PRKN: variants seen among roughly 807,000 people sequenced by gnomAD.
The protein encoded by PRKN is parkin RBR E3 ubiquitin protein ligase, also known as E3 ubiquitin-protein ligase parkin.
In PRKN, 56 loss-of-function variants were observed where a neutral mutation model predicts 59.5. That is an observed-to-expected ratio of 0.94 (90% confidence interval 0.76 to 1.18). The LOEUF (loss-of-function observed/expected upper bound fraction) is 1.18, where lower values mean the gene tolerates loss of function less well. PRKN is among the 50% of genes most tolerant of loss of function. PRKN has a pLI of 0.00. For synonymous variants in PRKN, 250 were observed against 222.1 expected (o/e 1.13, Z -1.12); for missense variants, 657 against 596.4 (o/e 1.10, Z -1.06).
rs192109321 is a variant in PRKN, at chr6:161,835,211, T to G, written c.735-49303A>C. Among the ~76,000 whole-genome samples the G allele has an allele frequency of 4.6e-5, 7 of 152,272 alleles. No homozygotes were observed. In the East Asian group the frequency reaches 1.4e-3, roughly 29 times the overall value. On this transcript the variant is annotated intron_variant, in intron 6 of 11. Transcript: ENST00000366898. ...TTTTTATTTAGTATTTTCAAATAAA[T>G]TAAAGACCTGGCTTATTTAACCCAC...
chr6:161,930,628 G>A (rs1779137683), intron 6 of PRKN, among the ~76,000 whole-genome samples: 1 of 152,162 alleles, frequency 6.6e-6, no homozygotes, highest in Non-Finnish European at 1.5e-5. Context: ...CAGAATAATG[G>A]CTCCCAATGA....
chr6:162,422,902 C>T (rs1487250519), intron 2 of PRKN, among the ~76,000 whole-genome samples: 9 of 145,604 alleles, frequency 6.2e-5, no homozygotes, highest in Non-Finnish European at 1.3e-4. Flanking sequence ...GCCGAGATCG[C>T]GCCACTGCGC....
chr6:162,179,968 C>CTCTGTG (rs564672735), intron 4 of PRKN, among the ~76,000 whole-genome samples: 1 of 139,724 alleles, frequency 7.2e-6, no homozygotes. Context: ...TATCTTATTA[C>CTCTGTG]TGTGTGTGTG....
chr6:162,177,122 A>T (rs1783576430), intron 4 of PRKN, among the ~76,000 whole-genome samples: 1 of 152,244 alleles, frequency 6.6e-6, no homozygotes. Context: ...ACACATGCAC[A>T]GGCACTCACA....
chr6:162,613,302 T>C (rs1218341691), intron 1 of PRKN, among the ~76,000 whole-genome samples: 1 of 152,146 alleles, frequency 6.6e-6, no homozygotes, highest in Non-Finnish European at 1.5e-5. Context: ...AGTAAACCTG[T>C]TTTTTAGGGA....
At chr6:161,570,328 G>C (rs1780841550) in intron 7 of PRKN, among the ~76,000 whole-genome samples, 1 of 143,364 alleles carries the variant, frequency 7.0e-6, no homozygotes, top group Non-Finnish European at 1.5e-5. Context: ...TATAAATATT[G>C]GCCTAAATAT....
In PRKN at chr6:161,407,383, A is replaced by G. The variant is rs1010720240; in HGVS notation, c.1084-20506T>C. On this transcript the variant is annotated intron_variant, in intron 9 of 11. Coordinates refer to ENST00000366898, the MANE Select transcript of PRKN (RefSeq NM_004562.3). This position sits in a 1 kb window ranked among gnomAD's most constrained non-coding sequence, Gnocchi z 4.9. ...GTGGGAGGCTCTGCACACTGGCACAATTGTTTGCTGGGAGGTAATTTAACA... is the reference window on the plus strand; with the variant it reads ...GTGGGAGGCTCTGCACACTGGCACAGTTGTTTGCTGGGAGGTAATTTAACA... Among the ~76,000 whole-genome samples the G allele has an allele frequency of 2.0e-5, 3 of 152,108 alleles. No homozygotes were observed. Among genetic ancestry groups the G allele is most frequent in the Admixed American group, 6.5e-5 (1 of 15,274 alleles).
At chr6:162,556,366 T>TGTGCGC (rs1554243443) in intron 1 of PRKN, among the ~76,000 whole-genome samples, 8 of 98,362 alleles carry the variant, frequency 8.1e-5, no homozygotes, top group Middle Eastern at 5.3e-3. Flanking sequence ...TGTGTGTGTG[T>TGTGCGC]GTGTGTGTGT....
At chr6:162,516,159 A>ATGAC in intron 1 of PRKN, among the ~76,000 whole-genome samples, 1 of 152,212 alleles carries the variant, frequency 6.6e-6, no homozygotes, top group Non-Finnish European at 1.5e-5. Context: ...TTCACAGCTG[A>ATGAC]TGACTGAATT....
At chr6:162,575,180 C>G (rs1039374861) in intron 1 of PRKN, among the ~76,000 whole-genome samples, 3 of 152,178 alleles carry the variant, frequency 2.0e-5, no homozygotes, top group African/African-American at 7.2e-5. Context: ...AGGCCATGCA[C>G]CTGGATCTGC....
intron 1 of PRKN, among the ~76,000 whole-genome samples, chr6:162,510,068 T>G (rs989659778): frequency 1.2e-4 from 19 of 152,210 alleles, no homozygotes; most frequent in African/African-American, 4.6e-4. Context: ...AAGGCTTTGC[T>G]TTCTTCAGTG....
intron 4 of PRKN, among the ~76,000 whole-genome samples, chr6:162,175,722 T>A (rs1425864195): frequency 1.3e-5 from 2 of 152,138 alleles, no homozygotes; most frequent in Non-Finnish European, 2.9e-5. Context: ...GGGCCACTGG[T>A]CCACGGGACA....
intron 4 of PRKN, among the ~76,000 whole-genome samples, chr6:162,194,624 A>G (rs1295600643): frequency 6.6e-6 from 1 of 152,124 alleles, no homozygotes; most frequent in South Asian, 2.1e-4. Flanking sequence ...CTAAATGTAA[A>G]CTATCAAGAA....
At chr6:162,658,433 G>A (rs771167198) in intron 1 of PRKN, among the ~76,000 whole-genome samples, 53 of 152,192 alleles carry the variant, frequency 3.5e-4, no homozygotes, top group Middle Eastern at 3.4e-3. Flanking sequence ...AGACCGACGC[G>A]GGCAGATCAC....
At chr6:162,456,465 T>C (rs1192176627) in intron 1 of PRKN, among the ~76,000 whole-genome samples, 3 of 152,186 alleles carry the variant, frequency 2.0e-5, no homozygotes, top group African/African-American at 4.8e-5. Flanking sequence ...CTAAGGCTTA[T>C]GGTACAAGAG....
At chr6:162,223,673 C>A (rs1014781522) in intron 3 of PRKN, among the ~76,000 whole-genome samples, 6 of 146,698 alleles carry the variant, frequency 4.1e-5, no homozygotes, top group Non-Finnish European at 7.4e-5. Flanking sequence ...ACATAATGCT[C>A]CAGAAACAGC....
chr6:162,412,330 A>G (rs1292897013), intron 2 of PRKN, among the ~76,000 whole-genome samples: 1 of 152,084 alleles, frequency 6.6e-6, no homozygotes, highest in Non-Finnish European at 1.5e-5. Context: ...GTCTGGACTG[A>G]GGATTCTAGG....
At chr6:162,242,771 C>A (rs1779033873) in intron 3 of PRKN, among the ~76,000 whole-genome samples, 1 of 152,060 alleles carries the variant, frequency 6.6e-6, no homozygotes, top group Admixed American at 6.6e-5. Flanking sequence ...CCTCTTTGCC[C>A]CAACATATTT....
intron 1 of PRKN, among the ~76,000 whole-genome samples, chr6:162,553,516 C>G (rs1404964621): frequency 1.5e-5 from 2 of 137,920 alleles, no homozygotes; most frequent in African/African-American, 5.4e-5. Context: ...CTTACAGTGT[C>G]CTCGGTTTAC....
Sources: allele counts gnomAD v4.1 joint callset (sites outside exome capture counted in the v4.1 genomes callset), GRCh38; gene constraint gnomAD v4.1.1; non-coding constraint Gnocchi (gnomAD v3.1); transcripts MANE v1.5; gene names NCBI Gene and HGNC (gene_info 2026-07-23, HGNC 2026-07-21).